PSD3: variants seen among roughly 807,000 people sequenced by gnomAD.
PSD3 encodes pleckstrin and Sec7 domain containing 3, also known as PH and SEC7 domain-containing protein 3.
PSD3 carries 49 observed loss-of-function variants against 105.5 expected under a neutral mutation model. The observed-to-expected ratio is 0.46, with a 90% CI of 0.37 to 0.59. The LOEUF (loss-of-function observed/expected upper bound fraction) is 0.59, where lower values mean the gene tolerates loss of function less well. Among genes scored for constraint, PSD3 ranks in the 20% least tolerant of loss-of-function variants. PSD3 has a pLI of 0.00. For synonymous variants in PSD3, 557 were observed against 457.8 expected, an observed-to-expected ratio of 1.22 and a Z score of -2.77; for missense variants, 1,561 against 1,263.8, an observed-to-expected ratio of 1.24 and a Z score of -3.57.
At chr8:18,553,562 T>C (rs1027553928) in intron 15 of PSD3, among the ~76,000 whole-genome samples, 1 of 152,172 alleles carries the variant, frequency 6.6e-6, no homozygotes, top group South Asian at 2.1e-4. Flanking sequence ...GGTCAATAAC[T>C]CTTATATCTG....
chr8:18,792,245 G>A (rs1809790788), intron 8 of PSD3, among the ~76,000 whole-genome samples: 1 of 152,136 alleles, frequency 6.6e-6, no homozygotes, highest in South Asian at 2.1e-4. Flanking sequence ...AAATCATTCT[G>A]TTATAAAGAT....
chr8:18,695,476 A>G (rs1362461033), intron 9 of PSD3, among the ~76,000 whole-genome samples: 1 of 152,254 alleles, frequency 6.6e-6, no homozygotes, highest in Non-Finnish European at 1.5e-5. Context: ...GAAGGATTCC[A>G]TAGAACTGTG....
intron 11 of PSD3, among the ~76,000 whole-genome samples, chr8:18,614,722 A>G (rs544245496): frequency 1.4e-4 from 21 of 152,114 alleles, no homozygotes; most frequent in Non-Finnish European, 2.4e-4. Context: ...TCCAATTGCC[A>G]GGCTCAAGCA....
At chr8:18,968,004 G>A (rs935577802) in intron 1 of PSD3, among the ~76,000 whole-genome samples, 2 of 152,082 alleles carry the variant, frequency 1.3e-5, no homozygotes, top group Non-Finnish European at 2.9e-5. Flanking sequence ...AACCAGACTG[G>A]TAACTGCTTT....
At chr8:18,580,401 A>G (rs1802735905) in intron 12 of PSD3, among the ~76,000 whole-genome samples, 1 of 152,134 alleles carries the variant, frequency 6.6e-6, no homozygotes. Context: ...AAACTTTTAC[A>G]AAACCTACTG....
chr8:18,936,663 C>G (rs1395527681), intron 1 of PSD3, among the ~76,000 whole-genome samples: 1 of 150,774 alleles, frequency 6.6e-6, no homozygotes, highest in Non-Finnish European at 1.5e-5. Context: ...GAGGCTGAGG[C>G]AAGAGAATCA....
At chr8:18,752,641 TA>T (rs1805694131) in intron 9 of PSD3, among the ~76,000 whole-genome samples, 4 of 91,950 alleles carry the variant, frequency 4.4e-5, no homozygotes, top group African/African-American at 2.4e-4. Flanking sequence ...ATAATATATA[TA>T]ATATATATAA....
intron 8 of PSD3, among the ~76,000 whole-genome samples, chr8:18,790,380 G>A (rs1473952100): frequency 1.4e-5 from 2 of 145,440 alleles, no homozygotes; most frequent in East Asian, 4.1e-4. Flanking sequence ...TCGGCTCACT[G>A]CAAGCTCTGC....
chr8:18,578,890 T>C (rs1802627438), intron 12 of PSD3, among the ~76,000 whole-genome samples: 1 of 152,090 alleles, frequency 6.6e-6, no homozygotes, highest in African/African-American at 2.4e-5. Context: ...TACCTTATAC[T>C]GGAAGGAGAA....
intron 1 of PSD3, among the ~76,000 whole-genome samples, chr8:18,949,964 A>C (rs75270629): frequency 6.6e-6 from 1 of 152,108 alleles, no homozygotes; most frequent in Non-Finnish European, 1.5e-5. Context: ...CAGTAAAGTC[A>C]TTCTTCAAAA....
Position 18,801,367 on chromosome 8 carries a change from T to C in PSD3, c.1926A>G (p.Ala642=). 9 of 1,596,498 alleles carry C rather than the reference T, an allele frequency of 5.6e-6. No homozygotes were observed. The highest frequency in any genetic ancestry group is 6.9e-6 in the Non-Finnish European group (8 of 1,167,678). The part of the protein sequence containing the change: ...LDQSLRYFFK[A]FSLVGETQER... ...CTTGAGTTTCTCCCACAAGAGAGAA[T>C]GCTTTAAAGAAATACCTACAAGAGA... The change falls in exon 7 of 16, where the codon GCA becomes GCG. Residue 642 remains alanine, a synonymous_variant. Coordinates refer to ENST00000327040, the MANE Select transcript of PSD3 (RefSeq NM_015310.4).
chr8:18,544,175 A>AAAAAAAAAAAAAAAAAAAAAAAAC (rs1800317020), intron 15 of PSD3, among the ~76,000 whole-genome samples: 1 of 36,516 alleles, frequency 2.7e-5, no homozygotes, highest in African/African-American at 6.4e-5. Context: ...ACAAACCAAA[A>AAAAAAAAAAAAAAAAAAAAAAAAC]AAAAAAAAAA....
At chr8:19,068,562 A>T (rs780344951) in intron 1 of PSD3, among the ~76,000 whole-genome samples, 1 of 152,120 alleles carries the variant, frequency 6.6e-6, no homozygotes, top group African/African-American at 2.4e-5. Context: ...AGGTGCTGGG[A>T]TTACATGCGT....
rs542041056 is a variant in PSD3 at position 18,769,920 on chromosome 8, A to G, written c.2083-4382T>C. Reference sequence around the variant, plus strand: ...AGACTATTTTCTTTTTTTGGCTATTATAAATAATGCTGCTATAAATATTCA... The same window carrying G: ...AGACTATTTTCTTTTTTTGGCTATTGTAAATAATGCTGCTATAAATATTCA... On this transcript the variant is annotated intron_variant, in intron 8 of 15. Transcript: ENST00000327040. 3.2e-4 allele frequency among the ~76,000 whole-genome samples: 48 copies of G among 152,310 alleles called. 1 individual carries two copies. The highest frequency in any genetic ancestry group is 1.1e-3 in the African/African-American group (47 of 41,578).
At chr8:19,070,075 G>A (rs1007422486) in intron 1 of PSD3, among the ~76,000 whole-genome samples, 2 of 151,732 alleles carry the variant, frequency 1.3e-5, no homozygotes, top group East Asian at 3.9e-4. Flanking sequence ...CTCCCAAGTA[G>A]CTGGATTAGG....
intron 15 of PSD3, among the ~76,000 whole-genome samples, chr8:18,554,969 T>C (rs1585229126): frequency 6.6e-6 from 1 of 151,910 alleles, no homozygotes; most frequent in African/African-American, 2.4e-5. Context: ...GTGACTACCG[T>C]AGGGAGGCCA....
intron 4 of PSD3, among the ~76,000 whole-genome samples, chr8:18,830,374 C>G (rs1170597585): frequency 6.6e-6 from 1 of 152,158 alleles, no homozygotes; most frequent in Non-Finnish European, 1.5e-5. Context: ...TTTGGTGTTC[C>G]CAATTAAACT....
At chr8:18,673,529 C>T (rs981222609) in intron 9 of PSD3, among the ~76,000 whole-genome samples, 1 of 152,176 alleles carries the variant, frequency 6.6e-6, no homozygotes, top group Non-Finnish European at 1.5e-5. Flanking sequence ...ATCGTCTCTG[C>T]CCCCACTCCT....
chr8:18,867,623 G>A, intron 4 of PSD3, 51 bp downstream of exon 4: 1 of 1,530,294 alleles, frequency 6.5e-7, no homozygotes, highest in Non-Finnish European at 8.8e-7. Context: ...TCCCAGAAAA[G>A]AAATCCTACA....
Sources: allele counts gnomAD v4.1 joint callset (sites outside exome capture counted in the v4.1 genomes callset), GRCh38; gene constraint gnomAD v4.1.1; transcripts MANE v1.5; gene names NCBI Gene and HGNC (gene_info 2026-07-23, HGNC 2026-07-21).